Variants in COLEC12 observed in about 807,000 individuals in gnomAD.
The protein encoded by COLEC12 is collectin subfamily member 12.
In COLEC12, 33 loss-of-function variants were observed where a neutral mutation model predicts 71.1. That is an observed-to-expected ratio of 0.46 (90% CI 0.35 to 0.62). The LOEUF (loss-of-function observed/expected upper bound fraction) is 0.62, where lower values mean the gene tolerates loss of function less well. COLEC12 is among the 20% of genes least tolerant of loss of function. COLEC12 has a pLI of 0.00. For synonymous variants in COLEC12, 350 were observed against 353.0 expected (o/e 0.99, Z 0.10); for missense variants, 765 against 916.1 (o/e 0.84, Z 2.13).
intron 2 of COLEC12, among the ~76,000 whole-genome samples, chr18:416,143 T>C (rs1256271653): frequency 5.3e-5 from 8 of 152,174 alleles, no homozygotes; most frequent in Admixed American, 5.2e-4. Flanking sequence ...TCCTGCTGTA[T>C]TAAAGAAACC....
At chr18:439,545 A>T (rs536782520) in intron 2 of COLEC12, among the ~76,000 whole-genome samples, 58 of 151,012 alleles carry the variant, frequency 3.8e-4, no homozygotes, top group African/African-American at 1.2e-3. Flanking sequence ...ATAAGATTTT[A>T]AAAAATTTAT....
At chr18:340,333 A>T (rs932928810) in intron 5 of COLEC12, among the ~76,000 whole-genome samples, 5 of 152,162 alleles carry the variant, frequency 3.3e-5, no homozygotes, top group African/African-American at 1.2e-4. Context: ...AGCTCCAGAG[A>T]TGCCTGAATA....
At chr18:391,184 C>G (rs1352369016) in intron 2 of COLEC12, among the ~76,000 whole-genome samples, 1 of 152,180 alleles carries the variant, frequency 6.6e-6, no homozygotes, top group African/African-American at 2.4e-5. Context: ...CTTCCTGCAT[C>G]TTGTAGACCC....
intron 2 of COLEC12, among the ~76,000 whole-genome samples, chr18:460,131 A>C (rs115953658): frequency 0.064 from 9,765 of 152,246 alleles, 664 homozygotes; most frequent in African/African-American, 0.17. Context: ...TAAAACAGTA[A>C]GAACGTTTTT....
chr18:465,381 C>T (rs374764614), intron 2 of COLEC12, among the ~76,000 whole-genome samples: 5 of 152,166 alleles, frequency 3.3e-5, no homozygotes, highest in Admixed American at 2.0e-4. Context: ...GGATTACAGG[C>T]ATGAGCCACT....
chr18:386,823 T>C (rs1915354936), intron 2 of COLEC12, among the ~76,000 whole-genome samples: 1 of 152,196 alleles, frequency 6.6e-6, no homozygotes. Context: ...TTTCCATAGG[T>C]CTCAAAAAAT....
chr18:500,443 G>GGC lies in COLEC12; in HGVS notation c.7+64_7+65insGC. On this transcript the variant is annotated intron_variant, in intron 1 of 9. Coordinates refer to ENST00000400256, the MANE Select transcript of COLEC12 (RefSeq NM_130386.3). The surrounding 1 kb of genome is among the most constrained non-coding windows in gnomAD (Gnocchi z 5.3). ...GGTTCGCGCGGGAGGCACCTCCGTGGCCTCCCGCGCGCCCCGAAGCCCGTT... is the reference window on the plus strand; with the variant it reads ...GGTTCGCGCGGGAGGCACCTCCGTGGGCCCTCCCGCGCGCCCCGAAGCCCGTT... The GGC allele has an allele frequency of 4.2e-6, 4 of 954,878 alleles. No homozygotes were observed. The highest frequency in any genetic ancestry group is 6.9e-5 in the East Asian group (1 of 14,418). 59.2% of individuals were successfully genotyped at this position (954,878 alleles called of 1,614,324 possible).
At chr18:499,474 C>CCTCGGACGGCAACG (rs1233921043) in intron 1 of COLEC12, among the ~76,000 whole-genome samples, 26 of 152,318 alleles carry the variant, frequency 1.7e-4, no homozygotes, top group African/African-American at 6.3e-4. Context: ...CGGGCGCCTC[C>CCTCGGACGGCAACG]CTCGGACGGC....
chr18:370,015 A>C (rs572834811), intron 2 of COLEC12, among the ~76,000 whole-genome samples: 1 of 152,330 alleles, frequency 6.6e-6, no homozygotes, highest in South Asian at 2.1e-4. Context: ...CCGACCTACA[A>C]GGCAGAAAAA....
Position 480,578 on chromosome 18 carries a change from T to A in COLEC12, c.58+129A>T, listed in dbSNP as rs1219301893. On this transcript the variant is annotated intron_variant, in intron 2 of 9. Coordinates refer to ENST00000400256, the MANE Select transcript of COLEC12 (RefSeq NM_130386.3). The surrounding 1 kb of genome is among the most constrained non-coding windows in gnomAD (Gnocchi z 4.1). ...ACAGACACTCACTTTCCAACCAAAATTGGACCTCAGAGCCACAAACACCCA... is the reference window on the plus strand; with the variant it reads ...ACAGACACTCACTTTCCAACCAAAAATGGACCTCAGAGCCACAAACACCCA... 1 of 812,644 alleles carries A rather than the reference T, an allele frequency of 1.2e-6. No homozygotes were observed. The highest frequency in any genetic ancestry group is 1.9e-5 in the Admixed American group (1 of 53,382). 50.3% of individuals were successfully genotyped at this position (812,644 alleles called of 1,614,324 possible).
chr18:482,118 C>CT lies in COLEC12; in HGVS notation c.8-1362dup, dbSNP rs35339618. Among the ~76,000 whole-genome samples, 850 of 141,222 alleles carry CT rather than the reference C, an allele frequency of 6.0e-3. 3 individuals carry two copies. Among genetic ancestry groups the CT allele is most frequent in the South Asian group, 0.015 (64 of 4,322 alleles). The allele number at this position is 141,222 out of a possible 152,430, so 92.6% of individuals were successfully genotyped here. On this transcript the variant is annotated intron_variant, in intron 1 of 9. Coordinates refer to ENST00000400256, the MANE Select transcript of COLEC12 (RefSeq NM_130386.3). ...CAGTGGCTACTGTCCAGGAGGAACACTTTTTTTTTTTTTTTGAGATGGAAT... is the reference window on the plus strand; with the variant it reads ...CAGTGGCTACTGTCCAGGAGGAACACTTTTTTTTTTTTTTTTGAGATGGAAT...
In COLEC12 at chr18:465,386, G is replaced by A. The variant is rs889538424; in HGVS notation, c.58+15321C>T. 3.3e-5 allele frequency among the ~76,000 whole-genome samples: 5 copies of A among 152,284 alleles called. No homozygotes were observed. The South Asian group carries it at 6.2e-4, about 19-fold the overall frequency. ...CAAAGTGTTGGGATTACAGGCATGA[G>A]CCACTGCACCCAGCCAAAATTATTA... On this transcript the variant is annotated intron_variant, in intron 2 of 9. Transcript: ENST00000400256.
rs149919271 is a variant in COLEC12, at chr18:497,220, G to T, written c.7+3288C>A. Among the ~76,000 whole-genome samples the T allele has an allele frequency of 3.2e-4, 49 of 152,316 alleles. 1 individual carries two copies. Among genetic ancestry groups the T allele is most frequent in the Admixed American group, 2.6e-3 (40 of 15,300 alleles). On this transcript the variant is annotated intron_variant, in intron 1 of 9. Transcript: ENST00000400256. ...GCAGATGCAGGATTACACTCCAAGA[G>T]CCTGGTCACTACAAAGGCCATATCC... is the stretch of plus-strand genomic sequence containing the variant.
intron 2 of COLEC12, among the ~76,000 whole-genome samples, chr18:405,660 G>T (rs1199298216): frequency 1.3e-5 from 2 of 152,182 alleles, no homozygotes; most frequent in African/African-American, 4.8e-5. Flanking sequence ...CAATCACGCT[G>T]ATCCATTCAT....
Position 373,005 on chromosome 18 carries a change from TAG to T in COLEC12, c.59-15485_59-15484del, listed in dbSNP as rs200438541. On this transcript the variant is annotated intron_variant, in intron 2 of 9. Transcript: ENST00000400256. ...CTCTGAGGGATGTGTGTATTCTAGT[TAG>T]AGAGTAACACAGACTACAGCTGCCT... 8.5e-3 allele frequency among the ~76,000 whole-genome samples: 1,301 copies of T among 152,276 alleles called. 19 individuals are homozygous for T. The highest frequency in any genetic ancestry group is 0.027 in the African/African-American group (1,138 of 41,552).
chr18:403,324 G>T (rs12958358), intron 2 of COLEC12, among the ~76,000 whole-genome samples: 10,554 of 152,162 alleles, frequency 0.069, 447 homozygotes, highest in South Asian at 0.11. Flanking sequence ...TGGAAAAAAA[G>T]AAAGAAAGAA....
intron 3 of COLEC12, among the ~76,000 whole-genome samples, chr18:350,806 T>C (rs553693398): frequency 6.6e-6 from 1 of 152,016 alleles, no homozygotes; most frequent in East Asian, 1.9e-4. Context: ...TACACGCCTG[T>C]AACCTCAGCT....
chr18:386,301 G>T (rs2155544), intron 2 of COLEC12, among the ~76,000 whole-genome samples: 83,028 of 152,000 alleles, frequency 0.55, 23,133 homozygotes, highest in Non-Finnish European at 0.58. Flanking sequence ...TACATGGGCA[G>T]GCAGGGGTGA....
intron 2 of COLEC12, among the ~76,000 whole-genome samples, chr18:474,810 C>T (rs950633247): frequency 4.6e-5 from 7 of 152,156 alleles, no homozygotes; most frequent in African/African-American, 4.8e-5. Context: ...GTGGTGGCTA[C>T]GCCTGTAATC....
Sources: allele counts gnomAD v4.1 joint callset (sites outside exome capture counted in the v4.1 genomes callset), GRCh38; gene constraint gnomAD v4.1.1; non-coding constraint Gnocchi (gnomAD v3.1); transcripts MANE v1.5; gene names NCBI Gene and HGNC (gene_info 2026-07-23, HGNC 2026-07-21).